Variants in SLC12A6 observed in about 807,000 individuals in gnomAD.
The protein encoded by SLC12A6 is solute carrier family 12 member 6, also known as K-Cl cotransporter 3.
In SLC12A6, 66 loss-of-function variants were observed where a neutral mutation model predicts 135.3. That is an observed-to-expected ratio of 0.49 (90% confidence interval 0.40 to 0.60). The LOEUF is 0.60. Among genes scored for constraint, SLC12A6 ranks in the 20% least tolerant of loss-of-function variants. The pLI is 0.00. For synonymous variants in SLC12A6, 513 were observed against 508.8 expected, an observed-to-expected ratio of 1.01 and a Z score of -0.11; for missense variants, 1,058 against 1,452.3, an observed-to-expected ratio of 0.73 and a Z score of 4.41.
At chr15:34,319,375 C>T (rs1888895708) in intron 2 of SLC12A6, among the ~76,000 whole-genome samples, 1 of 151,814 alleles carries the variant, frequency 6.6e-6, no homozygotes, top group Admixed American at 6.6e-5. Context: ...CTCCTGACCT[C>T]AGATGATTTG....
intron 2 of SLC12A6, among the ~76,000 whole-genome samples, chr15:34,276,812 A>G (rs773983253): frequency 6.6e-6 from 1 of 152,180 alleles, no homozygotes. Context: ...CATAGTCCAC[A>G]TATGTTTTAC....
rs1372841592 is a variant in SLC12A6, at chr15:34,242,223, T to C, written c.2043-2A>G. ...CTCATTCCCATGAAAGAAAGGGCCC[T>C]AGAAAATTAAAAACAAAAAAGTATC... On this transcript the variant is annotated splice_acceptor_variant, in intron 16 of 25. Transcript: ENST00000354181. LOFTEE classifies it high-confidence loss of function. 1.3e-6 allele frequency: 2 copies of C among 1,556,084 alleles called. No individual in the cohort carries two copies. The highest frequency in any genetic ancestry group is 3.3e-5 in the Admixed American group (2 of 59,862).
intron 2 of SLC12A6, among the ~76,000 whole-genome samples, chr15:34,303,383 G>A (rs1418345468): frequency 6.6e-6 from 1 of 152,086 alleles, no homozygotes; most frequent in East Asian, 1.9e-4. Flanking sequence ...ACTTTGAATA[G>A]TAAATGTGTC....
intron 3 of SLC12A6, 151 bp downstream of exon 3, chr15:34,275,194 T>C (rs1339523710): frequency 1.8e-6 from 1 of 541,010 alleles, no homozygotes; most frequent in African/African-American, 1.9e-5. Flanking sequence ...ACTTGGCAAG[T>C]TGGGAATAGA....
chr15:34,252,400 TAGGG>T lies in SLC12A6; in HGVS notation c.1119-20_1119-17del. The T allele has an allele frequency of 6.8e-7, 1 of 1,479,432 alleles. No homozygotes were observed. The highest frequency in any genetic ancestry group is 9.4e-7 in the Non-Finnish European group (1 of 1,060,032). The allele number at this position is 1,479,432 out of a possible 1,614,324, so 91.6% of individuals were successfully genotyped here. On this transcript the variant is annotated splice_polypyrimidine_tract_variant and intron_variant, in intron 9 of 25. Transcript: ENST00000354181. Reference sequence around the variant, plus strand: ...CATGCAGACCCTAAGTGAAAAGAAATAGGGAGAAAGATCAAGTAAGGAAAAAAAG... The same window carrying T: ...CATGCAGACCCTAAGTGAAAAGAAATAGAAAGATCAAGTAAGGAAAAAAAG...
intron 2 of SLC12A6, among the ~76,000 whole-genome samples, chr15:34,311,021 G>T (rs1013540834): frequency 2.6e-5 from 4 of 152,120 alleles, no homozygotes; most frequent in Non-Finnish European, 2.9e-5. Flanking sequence ...TCATTTAATA[G>T]AAATTTGTCT....
chr15:34,296,535 T>C (rs1895887789), intron 2 of SLC12A6, among the ~76,000 whole-genome samples: 1 of 152,186 alleles, frequency 6.6e-6, no homozygotes, highest in Non-Finnish European at 1.5e-5. Flanking sequence ...AATGGTAATA[T>C]ACATAACTTT....
At chr15:34,323,067 C>T (rs1487965261) in intron 2 of SLC12A6, among the ~76,000 whole-genome samples, 2 of 148,832 alleles carry the variant, frequency 1.3e-5, no homozygotes, top group Admixed American at 6.7e-5. Flanking sequence ...ACAATGGACA[C>T]CATTATGAAA....
In SLC12A6 at chr15:34,310,567, GTGTA is replaced by G. The variant is rs1256836172; in HGVS notation, c.271+25839_271+25842del. On this transcript the variant is annotated intron_variant, in intron 2 of 25. Transcript: ENST00000354181. ...CTCAACTGTGTGTGTGTGTGTGTGT[GTGTA>G]TGTGTGTGTGTGTGTGTGTGTCCCC... is the stretch of plus-strand genomic sequence containing the variant. Among the ~76,000 whole-genome samples the G allele has an allele frequency of 3.0e-4, 30 of 99,278 alleles. 3 individuals carry two copies. Among genetic ancestry groups the G allele is most frequent in the South Asian group, 6.1e-4 (2 of 3,274 alleles). 65.1% of individuals were successfully genotyped at this position (99,278 alleles called of 152,430 possible). A position where few individuals can be genotyped will look rare whatever the true frequency, so the allele number is the denominator to read the frequency against.
intron 2 of SLC12A6, among the ~76,000 whole-genome samples, chr15:34,318,112 A>C (rs1200072684): frequency 2.0e-5 from 3 of 152,142 alleles, no homozygotes; most frequent in Non-Finnish European, 4.4e-5. Flanking sequence ...TCACAAGTAC[A>C]GTCAAAGTCC....
intron 2 of SLC12A6, among the ~76,000 whole-genome samples, chr15:34,277,777 T>C (rs1894398281): frequency 6.6e-6 from 1 of 152,206 alleles, no homozygotes; most frequent in African/African-American, 2.4e-5. Context: ...TAGTCACTAA[T>C]ATGAATACCT....
chr15:34,330,506 C>G (rs1889763653), intron 2 of SLC12A6, among the ~76,000 whole-genome samples: 1 of 144,710 alleles, frequency 6.9e-6, no homozygotes, highest in African/African-American at 2.7e-5. Flanking sequence ...AACCTTGTCT[C>G]TACAAAAAAA....
chr15:34,271,730 C>T (rs8030737), intron 3 of SLC12A6, among the ~76,000 whole-genome samples: 4,156 of 152,056 alleles, frequency 0.027, 190 homozygotes, highest in African/African-American at 0.095. Flanking sequence ...GCAAGAGACC[C>T]GATGAGTCAG....
At chr15:34,286,833 A>G (rs1374978012) in intron 2 of SLC12A6, among the ~76,000 whole-genome samples, 3 of 152,164 alleles carry the variant, frequency 2.0e-5, no homozygotes, top group African/African-American at 7.2e-5. Context: ...CAGCAACCTT[A>G]TCTCCTAATT....
chr15:34,282,121 C>G (rs756068573), intron 2 of SLC12A6, among the ~76,000 whole-genome samples: 31 of 152,268 alleles, frequency 2.0e-4, no homozygotes, highest in Middle Eastern at 3.4e-3. Context: ...ACCACATACT[C>G]TACTTCATGT....
At chr15:34,305,621 T>A (rs77806292) in intron 2 of SLC12A6, among the ~76,000 whole-genome samples, 7,156 of 151,956 alleles carry the variant, frequency 0.047, 181 homozygotes, top group Non-Finnish European at 0.062. Context: ...GAGATAGTTT[T>A]AAAAAAAATA....
chr15:34,304,268 A>G (rs944476059), intron 2 of SLC12A6, among the ~76,000 whole-genome samples: 2 of 152,180 alleles, frequency 1.3e-5, no homozygotes, highest in Non-Finnish European at 2.9e-5. Context: ...TTATTGCCAA[A>G]TAATATTCCA....
rs201041861 is a variant in SLC12A6 at position 34,254,548 on chromosome 15, G to A, written c.918C>T (p.Asp306=). 1.6e-4 allele frequency: 258 copies of A among 1,608,756 alleles called. 2 individuals are homozygous for A. Among genetic ancestry groups the A allele is most frequent in the South Asian group, 1.5e-3 (134 of 90,988 alleles). Residue 306 remains aspartate, a synonymous_variant, in exon 9 of 26, where the codon GAC becomes GAT. Transcript: ENST00000354181. ...VPRAAIFHSD[D]ALKESAAMLN... is the part of the protein sequence containing the mutation. ...GCATGGCTGCTGATTCCTTGAGTGCGTCATCACTGTGAAAGATGGCAGCTC... is the reference window on the plus strand; with the variant it reads ...GCATGGCTGCTGATTCCTTGAGTGCATCATCACTGTGAAAGATGGCAGCTC...
chr15:34,255,136 A>G, intron 8 of SLC12A6, 126 bp downstream of exon 8: 1 of 827,962 alleles, frequency 1.2e-6, no homozygotes, highest in Non-Finnish European at 2.1e-6. Context: ...TAAGAGGCCA[A>G]CTGACGTTGG....
Sources: gnomAD v4.1 joint callset for allele counts (sites outside exome capture counted in the v4.1 genomes callset) on GRCh38, gnomAD v4.1.1 for gene constraint, MANE v1.5 for transcripts, NCBI Gene and HGNC (gene_info 2026-07-23, HGNC 2026-07-21) for gene names.